The following NPHP3 variants were observed in gnomAD, a reference collection of about 807,000 sequenced individuals.
NPHP3 encodes nephrocystin 3.
NPHP3 carries 123 observed loss-of-function variants against 171.9 expected under a neutral mutation model. The observed-to-expected ratio is 0.72, with a 90% CI of 0.62 to 0.83. The LOEUF is 0.83. NPHP3 is among the 40% of genes least tolerant of loss of function. The probability of loss-of-function intolerance (pLI) is 0.00; values close to 1 mark genes in which losing one functional copy is unlikely to be tolerated. For synonymous variants in NPHP3, 558 were observed against 579.2 expected, an observed-to-expected ratio of 0.96 and a Z score of 0.52; for missense variants, 1,506 against 1,591.9, an observed-to-expected ratio of 0.95 and a Z score of 0.92.
Position 132,716,800 on chromosome 3 carries a change from A to G in NPHP3, c.780T>C (p.His260=), listed in dbSNP as rs1940064050. The G allele has an allele frequency of 1.9e-6, 3 of 1,614,070 alleles. No homozygotes were observed. The highest frequency in any genetic ancestry group is 2.7e-5 in the African/African-American group (2 of 74,938). ...AGGGTCCTTCCACATCTATAGAACT[A>G]TGGGCAAACTCAGGGCCTCTGAAGG... The part of the protein sequence containing the change: ...QQSFRGPEFA[H]SSIDVEGPFA... The change falls in exon 4 of 27, where the codon CAT becomes CAC. Residue 260 remains histidine (H), a synonymous_variant. Coordinates refer to ENST00000337331, the MANE Select transcript of NPHP3 (RefSeq NM_153240.5).
intron 15 of NPHP3, among the ~76,000 whole-genome samples, chr3:132,695,356 A>T (rs879518515): frequency 6.6e-6 from 1 of 152,194 alleles, no homozygotes; most frequent in Admixed American, 6.5e-5. Context: ...TTTTGAAAAC[A>T]CAAGGCTAAA....
Position 132,688,541 on chromosome 3 carries a change from A to G in NPHP3, c.3125+109T>C. ...TCTGTTTACCACATGAAGACTAGGCACAGGGTAAGGAAAAGTACACAGTGA... is the reference window on the plus strand; with the variant it reads ...TCTGTTTACCACATGAAGACTAGGCGCAGGGTAAGGAAAAGTACACAGTGA... On this transcript the variant is annotated intron_variant, in intron 21 of 26. Transcript: ENST00000337331. The G allele has an allele frequency of 3.3e-6, 4 of 1,195,952 alleles. No homozygotes were observed. In the South Asian group the frequency reaches 4.9e-5, roughly 15 times the overall value. 74.1% of individuals were successfully genotyped at this position (1,195,952 alleles called of 1,614,324 possible). A position where few individuals can be genotyped will look rare whatever the true frequency, so the allele number is the denominator to read the frequency against.
rs1195188787 is a variant in NPHP3 at position 132,696,764 on chromosome 3, A to C, written c.2138T>G (p.Leu713Arg). The change falls in exon 15 of 27, where the codon CTT becomes CGT. Residue 713 changes from leucine to arginine, a missense_variant. Coordinates refer to ENST00000337331, the MANE Select transcript of NPHP3 (RefSeq NM_153240.5). ...HCRSATTCNA[L>R]YVTLFGKMIA... ...CATTTTGCCGAAAAGGGTGACATAA[A>C]GGGCATTGCAGGTTGTAGCAGAACG... The C allele has an allele frequency of 2.5e-6, 4 of 1,614,038 alleles. No homozygotes were observed. In the African/African-American group the frequency reaches 4.0e-5, roughly 16 times the overall value.
chr3:132,685,397 T>G (rs1189284801), intron 23 of NPHP3: 1 of 152,540 alleles, frequency 6.6e-6, no homozygotes, highest in African/African-American at 2.4e-5. Context: ...ATTACAGGCA[T>G]GAGCTATCAT....
Position 132,682,772 on chromosome 3 carries a change from A to C in NPHP3, c.3743T>G (p.Ile1248Ser). The C allele has an allele frequency of 6.2e-7, 1 of 1,613,454 alleles. No homozygotes were observed. Among genetic ancestry groups the C allele is most frequent in the East Asian group, 2.2e-5 (1 of 44,856 alleles). Residue 1248 changes from isoleucine (I) to serine (S), a missense_variant, in exon 26 of 27, where the codon ATT (isoleucine) becomes AGT (serine). Coordinates refer to ENST00000337331, the MANE Select transcript of NPHP3 (RefSeq NM_153240.5). ...ALPLYERALK[I>S]YEDSLGRMHP... is the part of the protein sequence containing the mutation. ...CATCCGACCCAGGCTATCTTCATAA[A>C]TCTTTAATGCTCTTTCATATAATGG...
intron 1 of NPHP3, among the ~76,000 whole-genome samples, chr3:132,721,215 G>A (rs1035366684): frequency 6.6e-6 from 1 of 152,316 alleles, no homozygotes; most frequent in South Asian, 2.1e-4. Context: ...ACCACGCCCG[G>A]CTGCTTTACA....
intron 15 of NPHP3, among the ~76,000 whole-genome samples, chr3:132,695,798 G>T (rs891227674): frequency 6.6e-6 from 1 of 152,168 alleles, no homozygotes; most frequent in Non-Finnish European, 1.5e-5. Context: ...GCCAGGCATG[G>T]TGGTGTGCTC....
At chr3:132,685,413 G>A (rs765024270) in intron 23 of NPHP3, 6 of 152,142 alleles carry the variant, frequency 3.9e-5, no homozygotes, top group Non-Finnish European at 5.9e-5. Context: ...ATCATGCCCA[G>A]CCAGTACTAA....
intron 13 of NPHP3, among the ~76,000 whole-genome samples, chr3:132,697,827 CAT>C (rs960142267): frequency 9.9e-5 from 15 of 152,134 alleles, no homozygotes; most frequent in Non-Finnish European, 1.6e-4. Flanking sequence ...ATAAAGTACA[CAT>C]AGACACATAT....
At chr3:132,693,176 A>C (rs1939343560) in intron 16 of NPHP3, 2 of 208,710 alleles carry the variant, frequency 9.6e-6, no homozygotes. Context: ...AATATCAGAC[A>C]CATTTCTAAA....
chr3:132,720,817 A>G (rs764985118), intron 1 of NPHP3, among the ~76,000 whole-genome samples: 18 of 152,090 alleles, frequency 1.2e-4, no homozygotes, highest in Non-Finnish European at 2.5e-4. Flanking sequence ...TCTCTCCCAC[A>G]GTAAAGAGTA....
chr3:132,701,607 A>T, intron 9 of NPHP3, 74 bp from the exon 10 acceptor site: 1 of 951,232 alleles, frequency 1.1e-6, no homozygotes, highest in Non-Finnish European at 1.7e-6. Flanking sequence ...ACTTCTGATT[A>T]TTCTTTGAAA....
Position 132,719,148 on chromosome 3 carries a change from T to C in NPHP3, c.520-4A>G. The stretch of plus-strand genomic sequence containing the variant: ...TTTCTTTGGTCTCCCTAAAAATCTT[T>C]AAAAAGAATAATTTTAATGTTGAAA... On this transcript the variant is annotated splice_polypyrimidine_tract_variant and splice_region_variant and intron_variant, in intron 2 of 26. Transcript: ENST00000337331. 3 of 1,595,418 alleles carry C rather than the reference T, an allele frequency of 1.9e-6. No individual in the cohort carries two copies. Among genetic ancestry groups the C allele is most frequent in the South Asian group, 2.3e-5 (2 of 88,496 alleles).
intron 8 of NPHP3, among the ~76,000 whole-genome samples, chr3:132,704,813 T>C (rs1268772032): frequency 2.6e-5 from 4 of 152,212 alleles, no homozygotes; most frequent in Non-Finnish European, 5.9e-5. Flanking sequence ...AAATATGTTA[T>C]CCTTCAAGCA....
At chr3:132,687,018 ATG>A (rs1371605969) in intron 22 of NPHP3, 131 bp downstream of exon 22, 11 of 592,320 alleles carry the variant, frequency 1.9e-5, no homozygotes, top group African/African-American at 1.7e-4. Context: ...AAATAAGAAA[ATG>A]TTAAGTAGTT....
intron 21 of NPHP3, among the ~76,000 whole-genome samples, 159 bp from the exon 22 acceptor site, chr3:132,687,385 C>G (rs1410674513): frequency 3.3e-5 from 5 of 152,024 alleles, no homozygotes; most frequent in Non-Finnish European, 7.4e-5. Context: ...TCTCTAAAAA[C>G]CCTTTCATAA....
intron 7 of NPHP3, among the ~76,000 whole-genome samples, chr3:132,707,573 T>C (rs1939787982): frequency 6.6e-6 from 1 of 152,212 alleles, no homozygotes; most frequent in Non-Finnish European, 1.5e-5. Context: ...ATACAGATCA[T>C]ACTCTTGCTA....
At chr3:132,706,764 A>G (rs1313719512) in intron 7 of NPHP3, among the ~76,000 whole-genome samples, 1 of 152,220 alleles carries the variant, frequency 6.6e-6, no homozygotes, top group South Asian at 2.1e-4. Flanking sequence ...CCAGCATACT[A>G]AATTTTTTAA....
chr3:132,722,407 AACGGAACGGGACGGGGTGGGGCAGAG>A (rs748722543), exon 1 of NPHP3: 2 of 1,397,712 alleles, frequency 1.4e-6, no homozygotes, highest in Non-Finnish European at 1.9e-6. Context: ...TGGGCAGCGG[AACGGAACGGGACGGGGTGGGGCAGAG>A]GAACGGAACG....
Sources: gnomAD v4.1 joint callset for allele counts (sites outside exome capture counted in the v4.1 genomes callset) on GRCh38, gnomAD v4.1.1 for gene constraint, MANE v1.5 for transcripts, NCBI Gene and HGNC (gene_info 2026-07-23, HGNC 2026-07-21) for gene names.